Variants in OR2M7 observed in about 807,000 individuals in gnomAD.
OR2M7 encodes the protein olfactory receptor 2M7.
For synonymous variants in OR2M7, 129 were observed against 135.0 expected (o/e 0.96, Z 0.31); for missense variants, 390 against 386.8 (o/e 1.01, Z -0.07).
Position 248,323,776 on chromosome 1 carries a change from G to T in OR2M7, c.793C>A (p.His265Asn). ...ATCTTGTCCTGCATAGGAGAATGATGAGATGTGGGCTGAATGCACATGAAC... is the reference window on the plus strand; with the variant it reads ...ATCTTGTCCTGCATAGGAGAATGATTAGATGTGGGCTGAATGCACATGAAC... ...GLFMCIQPTS[H>N]HSPMQDKMVS... Residue 265 changes from histidine (H) to asparagine (N), a missense_variant, in exon 1 of 1, where the codon CAT (histidine) becomes AAT (asparagine). By Grantham distance (68) the His-to-Asn change is moderately conservative (BLOSUM62 1). Coordinates refer to ENST00000317965, the MANE Select transcript of OR2M7 (RefSeq NM_001004691.1). The T allele has an allele frequency of 6.2e-7, 1 of 1,613,738 alleles. No individual in the cohort carries two copies. Among genetic ancestry groups the T allele is most frequent in the South Asian group, 1.1e-5 (1 of 91,074 alleles).
In OR2M7 at chr1:248,324,043, G is replaced by T. The variant is rs1343751886; in HGVS notation, c.526C>A (p.His176Asn). 25 of 1,613,720 alleles carry T rather than the reference G, an allele frequency of 1.5e-5. No homozygotes were observed. The highest frequency in any genetic ancestry group is 1.9e-5 in the Non-Finnish European group (23 of 1,179,830). ...FSYCGSREIAHFCCDFPSLLI... is the reference protein window; with the variant it reads ...FSYCGSREIANFCCDFPSLLI... ...AGGGAAGGGAAGTCACAGCAGAAGT[G>T]GGCTATTTCCCGAGACCCACAGTAG... The change falls in exon 1 of 1, where the codon CAC becomes AAC. Residue 176 changes from histidine to asparagine, a missense_variant. His to Asn is a moderately conservative substitution (Grantham distance 68). Coordinates refer to ENST00000317965, the MANE Select transcript of OR2M7 (RefSeq NM_001004691.1).
chr1:248,324,466 A>G lies in OR2M7; in HGVS notation c.103T>C (p.Phe35Leu), dbSNP rs7555424. 0.75 allele frequency: 1,212,274 copies of G among 1,613,702 alleles called. 456,725 individuals are homozygous for G. The highest frequency in any genetic ancestry group is 0.86 in the South Asian group (78,315 of 91,040). ...TFLFFLVLAI[F>L]SVAFMGNSIM... Reference sequence around the variant, plus strand: ...GAGTTTCCCATGAAGGCCACTGAAAAGATGGCCAGGACCAGAAAGAAGAGG... The same window carrying G: ...GAGTTTCCCATGAAGGCCACTGAAAGGATGGCCAGGACCAGAAAGAAGAGG... Residue 35 changes from phenylalanine to leucine, a missense_variant, in exon 1 of 1, where the codon TTT becomes CTT. Physicochemically the swap from Phe to Leu is conservative, Grantham distance 22 (BLOSUM62 0). Coordinates refer to ENST00000317965, the MANE Select transcript of OR2M7 (RefSeq NM_001004691.1).
In OR2M7 at chr1:248,323,850, G is replaced by C. The variant is rs1040328593; in HGVS notation, c.719C>G (p.Thr240Ser). Residue 240 changes from threonine to serine, a missense_variant, in exon 1 of 1, where the codon ACT becomes AGT. Coordinates refer to ENST00000317965, the MANE Select transcript of OR2M7 (RefSeq NM_001004691.1). ...CACCACCATGAGGTGAGAGGAACAA[G>C]TAGTAAAAGCTTTGCGACGTCCCTC... is the stretch of plus-strand genomic sequence containing the variant. ...SGEGRRKAFT[T>S]CSSHLMVVGM... 6.2e-7 allele frequency: 1 copy of C among 1,613,168 alleles called. No homozygotes were observed. The highest frequency in any genetic ancestry group is 2.2e-5 in the East Asian group (1 of 44,884).
At position 248,324,093 on chromosome 1, in the gene OR2M7, T is replaced by C. The variant is rs1239181973; in HGVS notation, c.476A>G (p.Asp159Gly). 23 of 1,613,832 alleles carry C rather than the reference T, an allele frequency of 1.4e-5. No individual in the cohort carries two copies. Among genetic ancestry groups the C allele is most frequent in the Non-Finnish European group, 1.9e-5 (22 of 1,179,816 alleles). The change falls in exon 1 of 1, where the codon GAT becomes GGT. Residue 159 changes from aspartate to glycine, a missense_variant. Transcript: ENST00000317965. ...GGAGAAGGAAAATGTCGCTACAGCATCAATGATTCCATCTGTAGAGCCCAG... is the reference window on the plus strand; with the variant it reads ...GGAGAAGGAAAATGTCGCTACAGCACCAATGATTCCATCTGTAGAGCCCAG... Reference protein sequence around the residue: ...WILGSTDGIIDAVATFSFSYC... With the variant: ...WILGSTDGIIGAVATFSFSYC...
Position 248,324,517 on chromosome 1 carries a change from A to G in OR2M7, c.52T>C (p.Phe18Leu), listed in dbSNP as rs367847241. The G allele has an allele frequency of 3.1e-6, 5 of 1,611,912 alleles. No homozygotes were observed. In the African/African-American group the frequency reaches 5.3e-5, roughly 17 times the overall value. Reference sequence around the variant, plus strand: ...AAGGTGTGGGTGGGGCTATGATTGAAGATTCCCAGGAGGAGGAAGTCAGAG... The same window carrying G: ...AAGGTGTGGGTGGGGCTATGATTGAGGATTCCCAGGAGGAGGAAGTCAGAG... ...FNSDFLLLGI[F>L]NHSPTHTFLF... The change falls in exon 1 of 1, where the codon TTC becomes CTC. Residue 18 changes from phenylalanine to leucine, a missense_variant. Physicochemically the swap from Phe to Leu is conservative, Grantham distance 22. Transcript: ENST00000317965.
rs1365834262 is a variant in OR2M7 at position 248,324,513 on chromosome 1, T to C, written c.56A>G (p.Asn19Ser). 19 of 1,612,140 alleles carry C rather than the reference T, an allele frequency of 1.2e-5. No individual in the cohort carries two copies. The highest frequency in any genetic ancestry group is 1.6e-4 in the Middle Eastern group (1 of 6,068). ...NSDFLLLGIFNHSPTHTFLFF... is the reference protein window; with the variant it reads ...NSDFLLLGIFSHSPTHTFLFF... ...GAGGAAGGTGTGGGTGGGGCTATGA[T>C]TGAAGATTCCCAGGAGGAGGAAGTC... Residue 19 changes from asparagine (N) to serine (S), a missense_variant, in exon 1 of 1, where the codon AAT becomes AGT. Physicochemically the swap from Asn to Ser is conservative, Grantham distance 46. Transcript: ENST00000317965.
rs1660124285 is a variant in OR2M7 at position 248,324,187 on chromosome 1, G to T, written c.382C>A (p.His128Asn). The change falls in exon 1 of 1, where the codon CAC becomes AAC. Residue 128 changes from histidine to asparagine, a missense_variant. By Grantham distance (68) the His-to-Asn change is moderately conservative (BLOSUM62 1). Transcript: ENST00000317965. Reference protein sequence around the residue: ...MSYDRYTAICHPLRYTNLMRP... With the variant: ...MSYDRYTAICNPLRYTNLMRP... ...ATGAGATTGGTGTATCTTAGAGGGT[G>T]GCAAATGGCAGTGTAGCGGTCATAA... 5.0e-6 allele frequency: 8 copies of T among 1,613,896 alleles called. No individual in the cohort carries two copies. The highest frequency in any genetic ancestry group is 3.4e-6 in the Non-Finnish European group (4 of 1,179,930).
rs74153159 is a variant in OR2M7, at chr1:248,323,884, C to G, written c.685G>C (p.Gly229Arg). 2,903 of 1,612,736 alleles carry G rather than the reference C, an allele frequency of 1.8e-3. 48 individuals carry two copies. The African/African-American group carries it at 0.035, about 19-fold the overall frequency. ...ARVILAVIHM[G>R]SGEGRRKAFT... The stretch of plus-strand genomic sequence containing the variant: ...GCTTTGCGACGTCCCTCTCCAGATC[C>G]CATGTGAATGACAGCCAGAATAACT... Residue 229 changes from glycine (G) to arginine (R), a missense_variant, in exon 1 of 1, where the codon GGA (glycine) becomes CGA (arginine). Physicochemically the swap from Gly to Arg is moderately radical, Grantham distance 125 (BLOSUM62 -2). Transcript: ENST00000317965.
Position 248,324,222 on chromosome 1 carries a change from G to A in OR2M7, c.347C>T (p.Ala116Val). Residue 116 changes from alanine to valine, a missense_variant, in exon 1 of 1, where the codon GCT becomes GTT. Ala to Val is a moderately conservative substitution (Grantham distance 64). Transcript: ENST00000317965. Reference protein sequence around the residue: ...SLLGSECFLLAVMSYDRYTAI... With the variant: ...SLLGSECFLLVVMSYDRYTAI... ...AGTGTAGCGGTCATAAGACATAACA[G>A]CCAACAGAAAGCATTCGGAGCCAAG... 1 of 1,614,080 alleles carries A rather than the reference G, an allele frequency of 6.2e-7. No individual in the cohort carries two copies. The highest frequency in any genetic ancestry group is 8.5e-7 in the Non-Finnish European group (1 of 1,179,968).
rs199675516 is a variant in OR2M7, at chr1:248,323,778, G to C, written c.791C>G (p.Ser264Cys). ...AGLFMCIQPT[S>C]HHSPMQDKMV... ...CTTGTCCTGCATAGGAGAATGATGA[G>C]ATGTGGGCTGAATGCACATGAACAA... Residue 264 changes from serine (S) to cysteine (C), a missense_variant, in exon 1 of 1, where the codon TCT becomes TGT. Ser to Cys is a moderately radical substitution (Grantham distance 112). Coordinates refer to ENST00000317965, the MANE Select transcript of OR2M7 (RefSeq NM_001004691.1). 1.6e-4 allele frequency: 259 copies of C among 1,613,616 alleles called. No individual in the cohort carries two copies. Among genetic ancestry groups the C allele is most frequent in the Non-Finnish European group, 2.1e-4 (245 of 1,179,760 alleles).
rs62000404 is a variant in OR2M7 at position 248,323,729 on chromosome 1, G to C, written c.840C>G (p.Ile280Met). ...QDKMVSVFYTIVTPMLNPLIY... is the reference protein window; with the variant it reads ...QDKMVSVFYTMVTPMLNPLIY... ...TGAGAGGATTCAGCATGGGAGTGAC[G>C]ATGGTGTAGAATACAGACACCATCT... Residue 280 changes from isoleucine (I) to methionine (M), a missense_variant, in exon 1 of 1, where the codon ATC becomes ATG. Physicochemically the swap from Ile to Met is conservative, Grantham distance 10. Transcript: ENST00000317965. 6.2e-7 allele frequency: 1 copy of C among 1,613,428 alleles called. No individual in the cohort carries two copies. Among genetic ancestry groups the C allele is most frequent in the African/African-American group, 1.3e-5 (1 of 74,864 alleles).
chr1:248,323,885 C>T lies in OR2M7; in HGVS notation c.684G>A (p.Met228Ile). ...YARVILAVIHMGSGEGRRKAF... is the reference protein window; with the variant it reads ...YARVILAVIHIGSGEGRRKAF... Reference sequence around the variant, plus strand: ...CTTTGCGACGTCCCTCTCCAGATCCCATGTGAATGACAGCCAGAATAACTC... The same window carrying T: ...CTTTGCGACGTCCCTCTCCAGATCCTATGTGAATGACAGCCAGAATAACTC... The change falls in exon 1 of 1, where the codon ATG (methionine) becomes ATA (isoleucine). Residue 228 changes from methionine to isoleucine, a missense_variant. By Grantham distance (10) the Met-to-Ile change is conservative. Coordinates refer to ENST00000317965, the MANE Select transcript of OR2M7 (RefSeq NM_001004691.1). 6.2e-7 allele frequency: 1 copy of T among 1,612,780 alleles called. No individual in the cohort carries two copies. Among genetic ancestry groups the T allele is most frequent in the Non-Finnish European group, 8.5e-7 (1 of 1,179,814 alleles).
rs1660113871 is a variant in OR2M7, at chr1:248,323,856, A to T, written c.713T>A (p.Phe238Tyr). The stretch of plus-strand genomic sequence containing the variant: ...CATGAGGTGAGAGGAACAAGTAGTA[A>T]AAGCTTTGCGACGTCCCTCTCCAGA... ...MGSGEGRRKA[F>Y]TTCSSHLMVV... The change falls in exon 1 of 1, where the codon TTT becomes TAT. Residue 238 changes from phenylalanine to tyrosine, a missense_variant. By Grantham distance (22) the Phe-to-Tyr change is conservative. Transcript: ENST00000317965. 6.2e-7 allele frequency: 1 copy of T among 1,612,906 alleles called. No individual in the cohort carries two copies. The highest frequency in any genetic ancestry group is 1.3e-5 in the African/African-American group (1 of 74,886).
At position 248,323,768 on chromosome 1, in the gene OR2M7, A is replaced by C. The variant is rs1486226849; in HGVS notation, c.801T>G (p.Ser267=). The part of the protein sequence containing the change: ...FMCIQPTSHH[S]PMQDKMVSVF... ...CAGACACCATCTTGTCCTGCATAGG[A>C]GAATGATGAGATGTGGGCTGAATGC... is the stretch of plus-strand genomic sequence containing the variant. Residue 267 remains serine, a synonymous_variant, in exon 1 of 1, where the codon TCT becomes TCG. Transcript: ENST00000317965. 9 of 1,613,776 alleles carry C rather than the reference A, an allele frequency of 5.6e-6. No homozygotes were observed. The highest frequency in any genetic ancestry group is 6.8e-6 in the Non-Finnish European group (8 of 1,179,752).
In OR2M7 at chr1:248,324,288, A is replaced by G; in HGVS notation, c.281T>C (p.Met94Thr). 6.2e-7 allele frequency: 1 copy of G among 1,614,188 alleles called. No homozygotes were observed. Among genetic ancestry groups the G allele is most frequent in the Non-Finnish European group, 8.5e-7 (1 of 1,180,024 alleles). ...GAAAATTTGTGTGGCACAGCCAGCC[A>G]TAGAAATGGACTTGCTGCCAGACAA... Reference protein sequence around the residue: ...NYLSGSKSISMAGCATQIFFY... With the variant: ...NYLSGSKSISTAGCATQIFFY... The change falls in exon 1 of 1, where the codon ATG becomes ACG. Residue 94 changes from methionine to threonine, a missense_variant. By Grantham distance (81) the Met-to-Thr change is moderately conservative (BLOSUM62 -1). Transcript: ENST00000317965.
rs183000679 is a variant in OR2M7 at position 248,324,084 on chromosome 1, G to A, written c.485C>T (p.Ala162Val). The change falls in exon 1 of 1, where the codon GCG (alanine) becomes GTG (valine). Residue 162 changes from alanine (A) to valine (V), a missense_variant. Transcript: ENST00000317965. ...CCCACAGTAGGAGAAGGAAAATGTC[G>A]CTACAGCATCAATGATTCCATCTGT... ...GSTDGIIDAV[A>V]TFSFSYCGSR... The A allele has an allele frequency of 5.7e-5, 92 of 1,613,838 alleles. No homozygotes were observed. The highest frequency in any genetic ancestry group is 5.0e-4 in the Middle Eastern group (3 of 6,056).
At position 248,324,560 on chromosome 1, in the gene OR2M7, C is replaced by T. The variant is rs2103046730; in HGVS notation, c.9G>A (p.Trp3Ter). The T allele has an allele frequency of 1.3e-6, 2 of 1,596,608 alleles. No individual in the cohort carries two copies. Among genetic ancestry groups the T allele is most frequent in the Non-Finnish European group, 1.7e-6 (2 of 1,172,218 alleles). The change falls in exon 1 of 1, where the codon TGG becomes TGA. Residue 3 changes from tryptophan to a stop codon, truncating the protein, a stop_gained. Transcript: ENST00000317965. LOFTEE classifies it low-confidence loss of function (END_TRUNC). ...AGTCAGAGTTGAAGGTCTGATTCTC[C>T]CATGCCATGATGAATATGCCTGTTA... MA[W>*]ENQTFNSDFL...
In OR2M7 at chr1:248,324,173, G is replaced by T. The variant is rs772918993; in HGVS notation, c.396C>A (p.Tyr132Ter). ...RYTAICHPLRYTNLMRPKICG... is the reference protein window; with the variant it reads ...RYTAICHPLR ...AAATTTTGGGTCTCATGAGATTGGT[G>T]TATCTTAGAGGGTGGCAAATGGCAG... is the stretch of plus-strand genomic sequence containing the variant. Residue 132 changes from tyrosine (Y) to a stop codon, truncating the protein, a stop_gained, in exon 1 of 1, where the codon TAC (tyrosine) becomes TAA (stop). Coordinates refer to ENST00000317965, the MANE Select transcript of OR2M7 (RefSeq NM_001004691.1). LOFTEE classifies it low-confidence loss of function (END_TRUNC). 1.9e-5 allele frequency: 30 copies of T among 1,613,832 alleles called. No homozygotes were observed. The highest frequency in any genetic ancestry group is 2.5e-5 in the Non-Finnish European group (29 of 1,179,884).
In OR2M7 at chr1:248,324,554, A is replaced by G; in HGVS notation, c.15T>C (p.Asn5=). The G allele has an allele frequency of 6.2e-7, 1 of 1,600,748 alleles. No individual in the cohort carries two copies. Among genetic ancestry groups the G allele is most frequent in the Non-Finnish European group, 8.5e-7 (1 of 1,173,926 alleles). The stretch of plus-strand genomic sequence containing the variant: ...GGAGGAAGTCAGAGTTGAAGGTCTG[A>G]TTCTCCCATGCCATGATGAATATGC... The part of the protein sequence containing the change: MAWE[N]QTFNSDFLLL... Residue 5 remains asparagine (N), a synonymous_variant, in exon 1 of 1, where the codon AAT becomes AAC. Transcript: ENST00000317965.
Sources: gnomAD v4.1 joint callset for allele counts on GRCh38, gnomAD v4.1.1 for gene constraint, MANE v1.5 for transcripts, NCBI Gene and HGNC (gene_info 2026-07-23, HGNC 2026-07-21) for gene names.